Variants in RAB28 observed in about 807,000 individuals in gnomAD.
RAB28 encodes RAB28, member RAS oncogene family.
In RAB28, 24 loss-of-function variants were observed where a neutral mutation model predicts 31.7. The observed-to-expected ratio is 0.76, with a 90% CI of 0.55 to 1.06. The LOEUF (loss-of-function observed/expected upper bound fraction) is 1.06, where lower values mean the gene tolerates loss of function less well. RAB28 is among the 50% of genes least tolerant of loss of function. The pLI is 0.00. For missense variants in RAB28, 254 were observed against 258.5 expected (o/e 0.98, Z 0.12); for synonymous variants, 100 against 90.4 (o/e 1.11, Z -0.60).
intron 4 of RAB28, among the ~76,000 whole-genome samples, chr4:13,410,985 C>T (rs570985028): frequency 1.9e-4 from 29 of 152,040 alleles, no homozygotes; most frequent in Non-Finnish European, 7.4e-5. Context: ...GTTTTAAAGA[C>T]GGATAAAAGC....
intron 4 of RAB28, among the ~76,000 whole-genome samples, chr4:13,423,619 T>G (rs927270004): frequency 1.3e-5 from 2 of 152,214 alleles, no homozygotes; most frequent in Admixed American, 6.5e-5. Flanking sequence ...TGTCCATAGC[T>G]GCTTCTACAC....
At chr4:13,448,194 G>A (rs1422739157) in intron 4 of RAB28, among the ~76,000 whole-genome samples, 1 of 151,966 alleles carries the variant, frequency 6.6e-6, no homozygotes, top group Non-Finnish European at 1.5e-5. Flanking sequence ...TATTAAAGGG[G>A]CTTAAATTAA....
Position 13,460,611 on chromosome 4 carries a change from A to G in RAB28, c.391+88T>C, listed in dbSNP as rs1715543613. ...ATTTTGGGGATTAGGTCTTTGACAT[A>G]TAAATTGGGGGTGGTGGGGGGACAC... On this transcript the variant is annotated intron_variant, in intron 4 of 6. Coordinates refer to ENST00000330852, the MANE Select transcript of RAB28 (RefSeq NM_001017979.3). 8.5e-6 allele frequency: 13 copies of G among 1,525,310 alleles called. No homozygotes were observed. The South Asian group carries it at 1.1e-4, about 13-fold the overall frequency. 94.5% of individuals were successfully genotyped at this position (1,525,310 alleles called of 1,614,324 possible). A position where few individuals can be genotyped will look rare whatever the true frequency, so the allele number is the denominator to read the frequency against.
chr4:13,431,928 A>C (rs1713829050), intron 4 of RAB28, among the ~76,000 whole-genome samples: 1 of 152,206 alleles, frequency 6.6e-6, no homozygotes, highest in South Asian at 2.1e-4. Flanking sequence ...CTACCTCTCT[A>C]GCAATGGATC....
chr4:13,453,792 G>C (rs575308101), intron 4 of RAB28, among the ~76,000 whole-genome samples: 1 of 152,130 alleles, frequency 6.6e-6, no homozygotes, highest in East Asian at 1.9e-4. Flanking sequence ...TGGCTATAAT[G>C]TGCCTTGAAG....
chr4:13,470,004 G>C (rs1716045044), intron 3 of RAB28, among the ~76,000 whole-genome samples: 1 of 152,006 alleles, frequency 6.6e-6, no homozygotes, highest in Non-Finnish European at 1.5e-5. Flanking sequence ...CAGAAGTTTT[G>C]AAAGAACAAA....
intron 3 of RAB28, among the ~76,000 whole-genome samples, chr4:13,468,289 A>T (rs954139358): frequency 1.3e-5 from 2 of 152,006 alleles, no homozygotes; most frequent in South Asian, 4.1e-4. Flanking sequence ...AATACGTACT[A>T]TTCCCTAGCT....
At chr4:13,480,452 T>C (rs1040429360) in intron 1 of RAB28, among the ~76,000 whole-genome samples, 4 of 151,912 alleles carry the variant, frequency 2.6e-5, no homozygotes, top group African/African-American at 4.8e-5. Context: ...ATAGCCGTTT[T>C]TTATTTTAAA....
Position 13,479,484 on chromosome 4 carries a change from G to A in RAB28, c.118C>T (p.Gln40Ter). The change falls in exon 2 of 7, where the codon CAG (glutamine) becomes TAG (stop). Residue 40 changes from glutamine (Q) to a stop codon, truncating the protein, a stop_gained. Coordinates refer to ENST00000330852, the MANE Select transcript of RAB28 (RefSeq NM_001017979.3). LOFTEE classifies it high-confidence loss of function. ...TCCAGTCCTATAGTTTGTTTGTACT[G>A]TTTCCCAAAAGTTTCTTGAGCAAAA... is the stretch of plus-strand genomic sequence containing the variant. ...TCFAQETFGK[Q>*]YKQTIGLDFF... 1 of 1,609,124 alleles carries A rather than the reference G, an allele frequency of 6.2e-7. No homozygotes were observed. The highest frequency in any genetic ancestry group is 8.5e-7 in the Non-Finnish European group (1 of 1,176,850).
At chr4:13,465,421 T>G (rs192137242) in intron 3 of RAB28, among the ~76,000 whole-genome samples, 15 of 150,666 alleles carry the variant, frequency 1.0e-4, no homozygotes, top group Admixed American at 5.9e-4. Flanking sequence ...ATCCTATCTA[T>G]AAATGAAAAA....
chr4:13,462,510 T>C (rs1715642362), intron 3 of RAB28, among the ~76,000 whole-genome samples: 1 of 152,170 alleles, frequency 6.6e-6, no homozygotes, highest in South Asian at 2.1e-4. Context: ...CAAAAACTGC[T>C]AAAAATTTAA....
At chr4:13,437,138 T>C (rs1304127205) in intron 4 of RAB28, among the ~76,000 whole-genome samples, 1 of 152,072 alleles carries the variant, frequency 6.6e-6, no homozygotes, top group Non-Finnish European at 1.5e-5. Flanking sequence ...CAAATGGTGC[T>C]GGAAAGCTGG....
chr4:13,435,083 C>T (rs1259510294), intron 4 of RAB28, among the ~76,000 whole-genome samples: 2 of 144,478 alleles, frequency 1.4e-5, no homozygotes, highest in Admixed American at 6.8e-5. Context: ...ACTCTCAAAA[C>T]CAAACAAATA....
chr4:13,443,179 G>GA, intron 4 of RAB28, among the ~76,000 whole-genome samples: 1 of 145,160 alleles, frequency 6.9e-6, no homozygotes, highest in East Asian at 2.0e-4. Flanking sequence ...AATATAAATG[G>GA]TTTTTTTTTT....
chr4:13,385,265 T>C (rs1031430471), intron 4 of RAB28, among the ~76,000 whole-genome samples: 2 of 151,994 alleles, frequency 1.3e-5, no homozygotes, highest in South Asian at 2.1e-4. Flanking sequence ...TGGAAGCAAA[T>C]TGGAACACAT....
chr4:13,456,013 G>T (rs1246799243), intron 4 of RAB28, among the ~76,000 whole-genome samples: 1 of 152,178 alleles, frequency 6.6e-6, no homozygotes, highest in Non-Finnish European at 1.5e-5. Flanking sequence ...GCAAAACAAA[G>T]AAATTTTTTT....
chr4:13,402,856 G>A (rs907412180), intron 4 of RAB28, among the ~76,000 whole-genome samples: 32 of 152,050 alleles, frequency 2.1e-4, no homozygotes, highest in African/African-American at 1.2e-4. Context: ...GTACAATGGC[G>A]TGATCACGGC....
At chr4:13,453,716 T>C (rs1715098166) in intron 4 of RAB28, among the ~76,000 whole-genome samples, 1 of 152,160 alleles carries the variant, frequency 6.6e-6, no homozygotes, top group South Asian at 2.1e-4. Flanking sequence ...CCACTAGCAA[T>C]TCCCTTATAT....
At chr4:13,412,020 CA>C (rs1326578822) in intron 4 of RAB28, among the ~76,000 whole-genome samples, 3,586 of 119,722 alleles carry the variant, frequency 0.03, 89 homozygotes, top group African/African-American at 0.086. Flanking sequence ...ATTCAAAAGT[CA>C]AAAAAAAAAA....
Sources: allele counts gnomAD v4.1 joint callset (sites outside exome capture counted in the v4.1 genomes callset), GRCh38; gene constraint gnomAD v4.1.1; transcripts MANE v1.5; gene names NCBI Gene and HGNC (gene_info 2026-07-23, HGNC 2026-07-21).